The following ZNF571 variants were observed in gnomAD, a reference collection of about 807,000 sequenced individuals.
ZNF571 encodes the protein zinc finger protein 571.
In ZNF571, 4 loss-of-function variants were observed where a neutral mutation model predicts 7.7. The ratio of observed to expected loss-of-function variants is 0.52; its 90% CI spans 0.25 to 1.18. The LOEUF is 1.18. Ranked by LOEUF, ZNF571 falls within the 50% of genes most tolerant of loss-of-function variation. The pLI, the probability that ZNF571 is intolerant of heterozygous loss-of-function variation, is 0.14. For missense variants in ZNF571, 704 were observed against 726.9 expected, an observed-to-expected ratio of 0.97 and a Z score of 0.36; for synonymous variants, 251 against 232.4, an observed-to-expected ratio of 1.08 and a Z score of -0.73.
chr19:37,586,568 T>A, intron 2 of ZNF571, 100 bp downstream of exon 2: 1 of 1,438,074 alleles, frequency 7.0e-7, no homozygotes, highest in Non-Finnish European at 9.7e-7. Context: ...AGCAGTTCCC[T>A]TAAGGAACCA....
At chr19:37,568,076 T>C (rs925710751) in intron 3 of ZNF571, among the ~76,000 whole-genome samples, 1 of 152,102 alleles carries the variant, frequency 6.6e-6, no homozygotes, top group African/African-American at 2.4e-5. Flanking sequence ...AAGAAAGAAG[T>C]TGAGAAACAA....
chr19:37,566,201 C>G lies in ZNF571; in HGVS notation c.227G>C (p.Arg76Pro), dbSNP rs749343091. The part of the protein sequence containing the change: ...ESLQWENMGK[R>P]INHHLQYNGL... ...ATTGTATTGAAGGTGATGGTTGATA[C>G]GTTTCCCCATATTCTCCCACTGGAG... Residue 76 changes from arginine to proline, a missense_variant, in exon 4 of 4, where the codon CGT becomes CCT. By Grantham distance (103) the Arg-to-Pro change is moderately radical (BLOSUM62 -2). Transcript: ENST00000451802. 3 of 1,613,922 alleles carry G rather than the reference C, an allele frequency of 1.9e-6. No homozygotes were observed. Among genetic ancestry groups the G allele is most frequent in the African/African-American group, 1.3e-5 (1 of 75,034 alleles).
chr19:37,568,535 G>T (rs1259246381), intron 3 of ZNF571, among the ~76,000 whole-genome samples: 1 of 152,174 alleles, frequency 6.6e-6, no homozygotes, highest in Non-Finnish European at 1.5e-5. Flanking sequence ...CTACCTATGT[G>T]CTAGTGCCCT....
intron 1 of ZNF571, among the ~76,000 whole-genome samples, chr19:37,591,984 G>A (rs111583481): frequency 1.7e-3 from 264 of 152,144 alleles, no homozygotes; most frequent in Non-Finnish European, 3.1e-3. Flanking sequence ...TGGGCCAGGC[G>A]CGGTGCCTCA....
chr19:37,579,989 T>C (rs1038221598), intron 3 of ZNF571, among the ~76,000 whole-genome samples: 3 of 152,194 alleles, frequency 2.0e-5, no homozygotes, highest in African/African-American at 4.8e-5. Context: ...TTTGATTATA[T>C]AGAAATAATA....
In ZNF571 at chr19:37,564,828, G is replaced by C; in HGVS notation, c.1600C>G (p.Gln534Glu). 1.9e-6 allele frequency: 3 copies of C among 1,613,690 alleles called. No homozygotes were observed. Among genetic ancestry groups the C allele is most frequent in the Non-Finnish European group, 2.5e-6 (3 of 1,179,848 alleles). ...CCACGAATAAAAGCCTTCCCACACT[G>C]TTTACATTCATAAGGTTTTTCACCT... ...HRGEKPYECK[Q>E]CGKAFIRGSH... Residue 534 changes from glutamine to glutamate, a missense_variant, in exon 4 of 4, where the codon CAG (glutamine) becomes GAG (glutamate). Physicochemically the swap from Gln to Glu is conservative, Grantham distance 29 (BLOSUM62 2). Transcript: ENST00000451802.
chr19:37,589,026 C>T (rs1033120387), intron 1 of ZNF571, among the ~76,000 whole-genome samples: 7 of 151,730 alleles, frequency 4.6e-5, no homozygotes, highest in African/African-American at 1.7e-4. Context: ...GTGGTAAAAC[C>T]CCATCTCTAC....
intron 3 of ZNF571, among the ~76,000 whole-genome samples, chr19:37,583,232 C>T (rs193110767): frequency 2.0e-5 from 3 of 152,256 alleles, no homozygotes; most frequent in East Asian, 3.9e-4. Context: ...AACCTATGAA[C>T]GTAGCAAGCT....
intron 3 of ZNF571, among the ~76,000 whole-genome samples, chr19:37,576,450 C>T (rs974542568): frequency 2.6e-5 from 4 of 152,064 alleles, no homozygotes; most frequent in African/African-American, 9.7e-5. Context: ...ATTAGCAGCT[C>T]GTAAAACCTT....
At chr19:37,566,699 C>T (rs767322239) in intron 3 of ZNF571, among the ~76,000 whole-genome samples, 50 of 152,188 alleles carry the variant, frequency 3.3e-4, no homozygotes, top group Non-Finnish European at 3.8e-4. Context: ...AGTCACCCCT[C>T]TCTCATTGTC....
chr19:37,565,251 A>G lies in ZNF571; in HGVS notation c.1177T>C (p.Cys393Arg). Residue 393 changes from cysteine (C) to arginine (R), a missense_variant, in exon 4 of 4, where the codon TGC (cysteine) becomes CGC (arginine). By Grantham distance (180) the Cys-to-Arg change is radical. Transcript: ENST00000451802. ...RVHSGERPYKCKECGKAFISN... is the reference protein window; with the variant it reads ...RVHSGERPYKRKECGKAFISN... ...ATAAAGGCTTTCCCACATTCTTTGC[A>G]TTTATAAGGTCTCTCACCTGAATGA... 3.1e-6 allele frequency: 5 copies of G among 1,612,508 alleles called. No individual in the cohort carries two copies. The highest frequency in any genetic ancestry group is 4.2e-6 in the Non-Finnish European group (5 of 1,179,444).
At chr19:37,588,786 T>C (rs1443155530) in intron 1 of ZNF571, among the ~76,000 whole-genome samples, 1 of 152,182 alleles carries the variant, frequency 6.6e-6, no homozygotes, top group African/African-American at 2.4e-5. Context: ...GAATAGAATC[T>C]CTGATCTCTG....
At chr19:37,587,009 C>A (rs1253302713) in intron 1 of ZNF571, 1 of 305,206 alleles carries the variant, frequency 3.3e-6, no homozygotes, top group East Asian at 5.5e-5. Flanking sequence ...GGGAGCCCCC[C>A]ACCATCCTCC....
chr19:37,592,341 G>A (rs968680764), intron 1 of ZNF571, among the ~76,000 whole-genome samples: 1 of 152,070 alleles, frequency 6.6e-6, no homozygotes, highest in Admixed American at 6.5e-5. Flanking sequence ...AATTTTTCAC[G>A]GTCATATCCC....
At chr19:37,567,560 C>T (rs754568793) in intron 3 of ZNF571, 1 of 152,194 alleles carries the variant, frequency 6.6e-6, no homozygotes, top group Non-Finnish European at 1.5e-5. Context: ...GAACAATGCT[C>T]TAATCTTATT....
Position 37,564,605 on chromosome 19 carries a change from T to C in ZNF571, c.1823A>G (p.His608Arg). Reference sequence around the variant, plus strand: ...ATCACATTCAAGGCTTTCTCAATTATGAAGCCTTGTATGTTGAGTAAGTTG... The same window carrying C: ...ATCACATTCAAGGCTTTCTCAATTACGAAGCCTTGTATGTTGAGTAAGTTG... ...PSQLTQHTRL[H>R]N is the part of the protein sequence containing the mutation. Residue 608 changes from histidine (H) to arginine (R), a missense_variant, in exon 4 of 4, where the codon CAT (histidine) becomes CGT (arginine). Coordinates refer to ENST00000451802, the MANE Select transcript of ZNF571 (RefSeq NM_016536.5). 1 of 1,506,632 alleles carries C rather than the reference T, an allele frequency of 6.6e-7. No homozygotes were observed. Among genetic ancestry groups the C allele is most frequent in the Non-Finnish European group, 8.9e-7 (1 of 1,127,882 alleles). The allele number at this position is 1,506,632 out of a possible 1,614,324, so 93.3% of individuals were successfully genotyped here.
chr19:37,577,987 C>G (rs920909697), intron 3 of ZNF571, among the ~76,000 whole-genome samples: 5 of 152,298 alleles, frequency 3.3e-5, no homozygotes, highest in Middle Eastern at 3.4e-3. Context: ...AGCTCCGCCT[C>G]CGGTCAGATC....
rs1226046583 is a variant in ZNF571 at position 37,581,466 on chromosome 19, CTTTT to C, written c.136+2501_136+2504del. Among the ~76,000 whole-genome samples the C allele has an allele frequency of 5.8e-5, 8 of 138,702 alleles. No homozygotes were observed. The East Asian group carries it at 8.3e-4, about 14-fold the overall frequency. The allele number at this position is 138,702 out of a possible 152,430, so 91.0% of individuals were successfully genotyped here. A position where few individuals can be genotyped will look rare whatever the true frequency, so the allele number is the denominator to read the frequency against. On this transcript the variant is annotated intron_variant, in intron 3 of 3. Coordinates refer to ENST00000451802, the MANE Select transcript of ZNF571 (RefSeq NM_016536.5). ...TTTATCTCCATTTCTTTCTTTCTTT[CTTTT>C]TTTTTTTTTTTTGGAGACATGGTCT...
At chr19:37,588,685 A>G (rs1242459360) in intron 1 of ZNF571, among the ~76,000 whole-genome samples, 2 of 152,176 alleles carry the variant, frequency 1.3e-5, no homozygotes, top group Non-Finnish European at 2.9e-5. Flanking sequence ...AAACCTGAAC[A>G]TGTACCCCCT....
Sources: gnomAD v4.1 joint callset for allele counts (sites outside exome capture counted in the v4.1 genomes callset) on GRCh38, gnomAD v4.1.1 for gene constraint, MANE v1.5 for transcripts, NCBI Gene and HGNC (gene_info 2026-07-23, HGNC 2026-07-21) for gene names.